Variants in APP observed in about 807,000 individuals in gnomAD.
APP encodes the protein amyloid beta precursor protein.
APP carries 31 observed loss-of-function variants against 101.4 expected under a neutral mutation model. That is an observed-to-expected ratio of 0.31 (90% confidence interval 0.23 to 0.41). The LOEUF is 0.41. Ranked by LOEUF, APP falls within the 10% of genes least tolerant of loss-of-function variation. The probability of loss-of-function intolerance (pLI) is 1.00; values close to 1 mark genes in which losing one functional copy is unlikely to be tolerated. For missense variants in APP, 839 were observed against 1,003.7 expected (o/e 0.84, Z 2.22); for synonymous variants, 366 against 364.4 (o/e 1.00, Z -0.05).
At chr21:25,913,887 T>A (rs146917328) in intron 13 of APP, among the ~76,000 whole-genome samples, 1 of 152,326 alleles carries the variant, frequency 6.6e-6, no homozygotes, top group East Asian at 1.9e-4. Context: ...CCATCGACTC[T>A]TGAAACTCTA....
chr21:26,084,208 A>AC (rs1172431189), intron 3 of APP, among the ~76,000 whole-genome samples: 2 of 141,322 alleles, frequency 1.4e-5, no homozygotes, highest in African/African-American at 5.3e-5. Flanking sequence ...ATGGAGGATG[A>AC]CCTACCTAGA....
Position 25,988,588 on chromosome 21 carries a change from G to C in APP, c.1091-6111C>G, listed in dbSNP as rs565070592. On this transcript the variant is annotated intron_variant, in intron 8 of 17. Transcript: ENST00000346798. The stretch of plus-strand genomic sequence containing the variant: ...GTGGTGGCAGGCGCCTGTAATCCCA[G>C]CTACTCGGGAGGCTGAGGCAGGAGA... Among the ~76,000 whole-genome samples the C allele has an allele frequency of 2.0e-3, 309 of 151,878 alleles. 1 individual carries two copies. Among genetic ancestry groups the C allele is most frequent in the Non-Finnish European group, 3.4e-3 (230 of 67,968 alleles).
rs146298023 is a variant in APP at position 25,966,970 on chromosome 21, G to A, written c.1458+8100C>T. Among the ~76,000 whole-genome samples, 222 of 152,276 alleles carry A rather than the reference G, an allele frequency of 1.5e-3. 1 individual carries two copies. Among genetic ancestry groups the A allele is most frequent in the African/African-American group, 5.1e-3 (211 of 41,560 alleles). On this transcript the variant is annotated intron_variant, in intron 11 of 17. Transcript: ENST00000346798. ...ACCCTTGTTATCTCCAATGACGGCT[G>A]TTTCTTGTTGAACATTTATTGCTCT...
At chr21:26,016,078 T>C (rs2044045292) in intron 6 of APP, among the ~76,000 whole-genome samples, 1 of 152,204 alleles carries the variant, frequency 6.6e-6, no homozygotes, top group Non-Finnish European at 1.5e-5. Context: ...GTCGCCAGGC[T>C]GGAGTGCAGT....
chr21:25,973,571 T>G (rs562407931), intron 11 of APP, among the ~76,000 whole-genome samples: 24 of 152,168 alleles, frequency 1.6e-4, no homozygotes, highest in African/African-American at 5.8e-4. Context: ...AAATAAAAAC[T>G]GATAGCACTG....
intron 13 of APP, among the ~76,000 whole-genome samples, chr21:25,940,262 T>C (rs115227233): frequency 0.027 from 4,109 of 152,120 alleles, 182 homozygotes; most frequent in African/African-American, 0.094. Context: ...AAAATATTAG[T>C]AGTAGTAAGG....
intron 15 of APP, 38 bp from the exon 16 acceptor site, chr21:25,897,711 A>C (rs766779487): frequency 6.5e-7 from 1 of 1,535,588 alleles, no homozygotes; most frequent in Non-Finnish European, 9.0e-7. Flanking sequence ...AGGACAACCA[A>C]TTAGTTTTAC....
intron 6 of APP, among the ~76,000 whole-genome samples, chr21:26,018,752 G>A (rs2044209725): frequency 6.6e-6 from 1 of 152,272 alleles, no homozygotes; most frequent in Non-Finnish European, 1.5e-5. Context: ...CAATGACCAG[G>A]TATCTTGCTT....
chr21:26,090,152 T>C, intron 2 of APP, 80 bp from the exon 3 acceptor site: 2 of 1,588,034 alleles, frequency 1.3e-6, no homozygotes, highest in Non-Finnish European at 1.7e-6. Flanking sequence ...GCCTCCACTG[T>C]AAGGTACAGG....
intron 3 of APP, among the ~76,000 whole-genome samples, chr21:26,054,570 A>G (rs555513767): frequency 6.6e-6 from 1 of 151,660 alleles, no homozygotes; most frequent in South Asian, 2.1e-4. Context: ...CCAATTTTAA[A>G]GAGGCTTAGG....
At chr21:25,899,859 A>G (rs915240428) in intron 15 of APP, among the ~76,000 whole-genome samples, 8 of 152,252 alleles carry the variant, frequency 5.3e-5, no homozygotes, top group South Asian at 4.2e-4. Flanking sequence ...TCGGGCTTTA[A>G]TTTCCTTTCA....
At chr21:26,106,618 A>G (rs1000936028) in intron 2 of APP, among the ~76,000 whole-genome samples, 2 of 152,134 alleles carry the variant, frequency 1.3e-5, no homozygotes, top group African/African-American at 4.8e-5. Context: ...CTGCGACTAC[A>G]GGTCTGAGCC....
At chr21:26,099,691 G>A (rs1484293701) in intron 2 of APP, among the ~76,000 whole-genome samples, 1 of 152,152 alleles carries the variant, frequency 6.6e-6, no homozygotes, top group Non-Finnish European at 1.5e-5. Context: ...TTTTAATAAT[G>A]AGGAATACTG....
chr21:26,156,601 CA>C (rs11346396), intron 1 of APP, among the ~76,000 whole-genome samples: 54,426 of 152,070 alleles, frequency 0.36, 10,443 homozygotes, highest in African/African-American at 0.51. Flanking sequence ...CCAAAGCCAG[CA>C]AAGGTCACCC....
chr21:26,080,025 G>A (rs1280653363), intron 3 of APP, among the ~76,000 whole-genome samples: 2 of 152,142 alleles, frequency 1.3e-5, no homozygotes, highest in Non-Finnish European at 2.9e-5. Flanking sequence ...TCGGGAGGCT[G>A]AGGCAGGAGA....
intron 2 of APP, 78 bp from the exon 3 acceptor site, chr21:26,090,150 T>C: frequency 6.3e-7 from 1 of 1,591,354 alleles, no homozygotes; most frequent in East Asian, 2.3e-5. Context: ...AAGCCTCCAC[T>C]GTAAGGTACA....
Position 25,921,588 on chromosome 21 carries a change from C to G in APP, c.1688-9626G>C, listed in dbSNP as rs201100081. ...AAATACAAACTACCATCAGAGAATA[C>G]TACAAAAACCTCTACACAAATAAAC... is the stretch of plus-strand genomic sequence containing the variant. On this transcript the variant is annotated intron_variant, in intron 13 of 17. Transcript: ENST00000346798. 0.018 allele frequency among the ~76,000 whole-genome samples: 2,564 copies of G among 145,748 alleles called. 156 individuals are homozygous for G. In the East Asian group the frequency reaches 0.19, roughly 11 times the overall value.
rs190832957 is a variant in APP, at chr21:26,048,237, C to T, written c.662+2763G>A. On this transcript the variant is annotated intron_variant, in intron 5 of 17. Coordinates refer to ENST00000346798, the MANE Select transcript of APP (RefSeq NM_000484.4). ...ACTTAGGAGGCTGAGGCAGGAGAAT[C>T]GCTTGAACCCGGGAGGTGGAGGTTG... Among the ~76,000 whole-genome samples, 88 of 152,056 alleles carry T rather than the reference C, an allele frequency of 5.8e-4. 1 individual carries two copies. The highest frequency in any genetic ancestry group is 3.4e-3 in the Middle Eastern group (1 of 294).
chr21:26,034,652 A>G (rs201388960), intron 5 of APP, among the ~76,000 whole-genome samples: 1,626 of 145,450 alleles, frequency 0.011, 35 homozygotes, highest in African/African-American at 0.043. Flanking sequence ...AAAAAAAAGA[A>G]AAAGAAAAAG....
Sources: gnomAD v4.1 joint callset for allele counts (sites outside exome capture counted in the v4.1 genomes callset) on GRCh38, gnomAD v4.1.1 for gene constraint, MANE v1.5 for transcripts, NCBI Gene and HGNC (gene_info 2026-07-23, HGNC 2026-07-21) for gene names.